NLRP11: variants seen among roughly 807,000 people sequenced by gnomAD.
The protein encoded by NLRP11 is NACHT, LRR and PYD domains-containing protein 11.
NLRP11 carries 53 observed loss-of-function variants against 79.3 expected under a neutral mutation model. The ratio of observed to expected loss-of-function variants is 0.67; its 90% CI spans 0.54 to 0.84. NLRP11 has a LOEUF of 0.84. Ranked by LOEUF, NLRP11 falls within the 40% of genes least tolerant of loss-of-function variation. The pLI is 0.00. For missense variants in NLRP11, 1,264 were observed against 1,255.0 expected (o/e 1.01, Z -0.11); for synonymous variants, 518 against 462.6 (o/e 1.12, Z -1.54).
At chr19:55,827,023 G>A (rs952837148) in intron 1 of NLRP11, among the ~76,000 whole-genome samples, 1 of 145,854 alleles carries the variant, frequency 6.9e-6, no homozygotes, top group Non-Finnish European at 1.5e-5. Flanking sequence ...TATACTACAA[G>A]GCTACAGTAA....
intron 6 of NLRP11, among the ~76,000 whole-genome samples, chr19:55,795,043 T>A (rs1978693474): frequency 6.6e-6 from 1 of 152,172 alleles, no homozygotes; most frequent in Non-Finnish European, 1.5e-5. Flanking sequence ...ATCATGTCCT[T>A]AAATACACCG....
At chr19:55,818,929 T>C (rs1981402582) in intron 1 of NLRP11, among the ~76,000 whole-genome samples, 1 of 152,110 alleles carries the variant, frequency 6.6e-6, no homozygotes, top group Non-Finnish European at 1.5e-5. Context: ...ATACAACCAA[T>C]TGTTTTAAAC....
At chr19:55,822,900 G>C (rs985173963) in intron 1 of NLRP11, among the ~76,000 whole-genome samples, 5 of 152,180 alleles carry the variant, frequency 3.3e-5, no homozygotes, top group African/African-American at 4.8e-5. Context: ...TGGAACTGGG[G>C]GGAGCCCACC....
At chr19:55,810,396 A>T in intron 2 of NLRP11, 58 bp from the exon 3 acceptor site, 1 of 1,488,972 alleles carries the variant, frequency 6.7e-7, no homozygotes, top group Non-Finnish European at 9.0e-7. Flanking sequence ...TCAAGATGTA[A>T]AAACAGTTTT....
Position 55,809,305 on chromosome 19 carries a change from A to C in NLRP11, c.1305T>G (p.Ile435Met). ...CTTTATGAGTGTTGCTCGGCAAAAGAATATTCGCGGCCTGCAACACAGAGA... is the reference window on the plus strand; with the variant it reads ...CTTTATGAGTGTTGCTCGGCAAAAGCATATTCGCGGCCTGCAACACAGAGA... The change falls in exon 3 of 10, where the codon ATT (isoleucine) becomes ATG (methionine). Residue 435 changes from isoleucine to methionine, a missense_variant. Ile to Met is a conservative substitution (Grantham distance 10, BLOSUM62 1). Transcript: ENST00000589093. This position sits in a 1 kb window ranked among gnomAD's most constrained non-coding sequence, Gnocchi z 4.5. The C allele has an allele frequency of 1.2e-6, 2 of 1,614,046 alleles. No individual in the cohort carries two copies. The highest frequency in any genetic ancestry group is 1.7e-6 in the Non-Finnish European group (2 of 1,179,918).
chr19:55,803,112 A>G (rs567961413), intron 4 of NLRP11, among the ~76,000 whole-genome samples: 1 of 152,086 alleles, frequency 6.6e-6, no homozygotes, highest in African/African-American at 2.4e-5. Flanking sequence ...ACTTTGGGAG[A>G]CTCAGATGGG....
chr19:55,816,646 G>T (rs889802782), intron 2 of NLRP11, among the ~76,000 whole-genome samples: 2 of 152,064 alleles, frequency 1.3e-5, no homozygotes, highest in African/African-American at 4.8e-5. Context: ...CTGTAGCTGG[G>T]TCTTATGGTA....
At position 55,817,329 on chromosome 19, in the gene NLRP11, T is replaced by TAC; in HGVS notation, c.271+573_271+574dup. Among the ~76,000 whole-genome samples the TAC allele has an allele frequency of 1.3e-5, 2 of 152,238 alleles. 1 individual carries two copies. The highest frequency in any genetic ancestry group is 1.3e-4 in the Admixed American group (2 of 15,278). ...TCCAGCAATCCCACTACTGTGTATC[T>TAC]ACCCAGAGGAAAACAAGTCATTATA... is the stretch of plus-strand genomic sequence containing the variant. On this transcript the variant is annotated intron_variant, in intron 2 of 9. Transcript: ENST00000589093.
At chr19:55,819,363 T>C (rs1490636499) in intron 1 of NLRP11, among the ~76,000 whole-genome samples, 1 of 152,106 alleles carries the variant, frequency 6.6e-6, no homozygotes, top group Non-Finnish European at 1.5e-5. Flanking sequence ...TGCCACCCCT[T>C]GGTTATCTTT....
At chr19:55,787,043 A>G (rs575984600) in intron 9 of NLRP11, among the ~76,000 whole-genome samples, 10 of 152,220 alleles carry the variant, frequency 6.6e-5, no homozygotes, top group African/African-American at 2.2e-4. Flanking sequence ...AATTATCACC[A>G]TTTTCCATTT....
At chr19:55,818,007 C>T in exon 2 of NLRP11, 3 of 1,613,942 alleles carry the variant, frequency 1.9e-6, no homozygotes, top group Non-Finnish European at 1.7e-6. Flanking sequence ...AAGAGATTGG[C>T]AACACGTTAG....
intron 5 of NLRP11, among the ~76,000 whole-genome samples, chr19:55,797,027 T>C (rs1208504409): frequency 7.0e-6 from 1 of 141,880 alleles, no homozygotes; most frequent in African/African-American, 3.1e-5. Context: ...CCATCCTCCC[T>C]GATCTCCTCA....
chr19:55,786,118 C>T (rs565856100), intron 9 of NLRP11, among the ~76,000 whole-genome samples: 19 of 152,320 alleles, frequency 1.2e-4, no homozygotes, highest in East Asian at 3.8e-4. Context: ...TAGTAACCAA[C>T]GCCACTACGT....
chr19:55,791,576 A>G (rs776328597), intron 7 of NLRP11, among the ~76,000 whole-genome samples: 1 of 152,216 alleles, frequency 6.6e-6, no homozygotes, highest in Non-Finnish European at 1.5e-5. Flanking sequence ...TTAGGTTATC[A>G]GTTTCTTATA....
At chr19:55,833,624 C>A (rs1007505559), upstream of NLRP11, among the ~76,000 whole-genome samples, 7 of 151,518 alleles carry the variant, frequency 4.6e-5, no homozygotes, top group African/African-American at 1.5e-4. Context: ...AAAATTTAGC[C>A]AGGTGTGGTG....
chr19:55,796,227 G>T, exon 6 of NLRP11: 2 of 1,613,092 alleles, frequency 1.2e-6, no homozygotes, highest in South Asian at 2.2e-5. Context: ...ACATTCGCTG[G>T]CTCGCAAATC....
intron 1 of NLRP11, among the ~76,000 whole-genome samples, chr19:55,827,787 G>A (rs1159597111): frequency 2.6e-5 from 4 of 151,058 alleles, no homozygotes; most frequent in Non-Finnish European, 5.9e-5. Flanking sequence ...AGAGGATGTG[G>A]AGAAATAGGA....
chr19:55,815,250 T>C (rs1467427535), intron 2 of NLRP11, among the ~76,000 whole-genome samples: 2 of 152,150 alleles, frequency 1.3e-5, no homozygotes, highest in Non-Finnish European at 2.9e-5. Context: ...AGCAAGAGGC[T>C]GGGCACGGTG....
At chr19:55,819,773 C>T (rs964196145) in intron 1 of NLRP11, among the ~76,000 whole-genome samples, 6 of 152,062 alleles carry the variant, frequency 3.9e-5, no homozygotes, top group African/African-American at 9.7e-5. Context: ...GGTTGTTGGG[C>T]GTAAAGAAAC....
Sources: allele counts gnomAD v4.1 joint callset (sites outside exome capture counted in the v4.1 genomes callset), GRCh38; gene constraint gnomAD v4.1.1; non-coding constraint Gnocchi (gnomAD v3.1); transcripts MANE v1.5; gene names NCBI Gene and HGNC (gene_info 2026-07-23, HGNC 2026-07-21).